The following LINGO2 variants were observed in gnomAD, a reference collection of about 807,000 sequenced individuals.
LINGO2 encodes leucine-rich repeat and immunoglobulin-like domain-containing nogo receptor-interacting protein 2.
Under a neutral mutation model 30.6 loss-of-function variants are expected in LINGO2, and 14 were observed. The ratio of observed to expected loss-of-function variants is 0.46; its 90% CI spans 0.30 to 0.72. The LOEUF is 0.72. Ranked by LOEUF, LINGO2 falls within the 30% of genes least tolerant of loss-of-function variation. The pLI is 0.07. For missense variants in LINGO2, 729 were observed against 751.7 expected (o/e 0.97, Z 0.35); for synonymous variants, 317 against 288.5 (o/e 1.10, Z -1.00).
the LINGO2 span, among the ~76,000 whole-genome samples, chr9:29,168,556 A>C: frequency 1.3e-5 from 2 of 152,306 alleles, no homozygotes; most frequent in African/African-American, 4.8e-5. Flanking sequence ...TTCACTGATA[A>C]AGGAGAGAGC....
At chr9:28,639,314 G>A (rs1827450902) in intron 1 of LINGO2, among the ~76,000 whole-genome samples, 1 of 152,172 alleles carries the variant, frequency 6.6e-6, no homozygotes, top group African/African-American at 2.4e-5. Flanking sequence ...GGGGTGGAGA[G>A]TTCTGTAGAT....
chr9:28,192,175 C>T (rs908102668), intron 4 of LINGO2, among the ~76,000 whole-genome samples: 4 of 152,022 alleles, frequency 2.6e-5, no homozygotes, highest in Admixed American at 6.6e-5. Flanking sequence ...CCTAAGATAC[C>T]TGCATCATCT....
intron 4 of LINGO2, among the ~76,000 whole-genome samples, chr9:28,013,296 C>T (rs1247554589): frequency 6.6e-6 from 1 of 152,070 alleles, no homozygotes; most frequent in Non-Finnish European, 1.5e-5. Context: ...CCTTTTCCTC[C>T]TGCTCCAAGC....
chr9:28,889,195 T>C, the LINGO2 span, among the ~76,000 whole-genome samples: 6 of 152,282 alleles, frequency 3.9e-5, no homozygotes, highest in African/African-American at 1.2e-4. Flanking sequence ...GATAGAGTGA[T>C]AAATAATTTC....
At chr9:28,900,569 C>CT in the LINGO2 span, among the ~76,000 whole-genome samples, 1 of 152,172 alleles carries the variant, frequency 6.6e-6, no homozygotes, top group African/African-American at 2.4e-5. Flanking sequence ...GCCCACTCAC[C>CT]TATTGACCTT....
At chr9:28,225,891 A>C (rs563221418) in intron 4 of LINGO2, among the ~76,000 whole-genome samples, 8 of 152,260 alleles carry the variant, frequency 5.3e-5, no homozygotes, top group Admixed American at 3.9e-4. Context: ...GGCCATTTTG[A>C]ATTTCAAAAT....
chr9:27,968,496 T>C (rs12001697), intron 5 of LINGO2, among the ~76,000 whole-genome samples: 6,922 of 152,110 alleles, frequency 0.046, 506 homozygotes, highest in African/African-American at 0.16. Flanking sequence ...AATACCTTCA[T>C]GCATAAAGCA....
At chr9:28,361,652 A>C (rs1049886235) in intron 3 of LINGO2, among the ~76,000 whole-genome samples, 3 of 142,490 alleles carry the variant, frequency 2.1e-5, no homozygotes, top group East Asian at 2.0e-4. Context: ...ATTTTTGAAC[A>C]AAAAAAAAAG....
chr9:29,042,669 T>A, the LINGO2 span, among the ~76,000 whole-genome samples: 5 of 151,944 alleles, frequency 3.3e-5, no homozygotes, highest in Admixed American at 2.6e-4. Flanking sequence ...ATTGCATATA[T>A]TTATGATGTA....
intron 1 of LINGO2, among the ~76,000 whole-genome samples, chr9:28,618,967 T>G (rs1004122138): frequency 6.6e-6 from 1 of 152,174 alleles, no homozygotes; most frequent in African/African-American, 2.4e-5. Flanking sequence ...ATAAGTTGAG[T>G]GTTTAGCACA....
chr9:28,902,105 T>C, the LINGO2 span, among the ~76,000 whole-genome samples: 266 of 152,244 alleles, frequency 1.7e-3, 1 homozygote, highest in Middle Eastern at 0.01. Flanking sequence ...GACCTAACTA[T>C]ATGCTGCTTA....
intron 1 of LINGO2, among the ~76,000 whole-genome samples, chr9:28,636,773 C>T (rs988418089): frequency 7.9e-5 from 12 of 152,018 alleles, no homozygotes; most frequent in Admixed American, 7.9e-4. Flanking sequence ...CTGTAGGTTG[C>T]CTGTTCACTC....
At chr9:29,010,442 G>A in the LINGO2 span, among the ~76,000 whole-genome samples, 1 of 152,150 alleles carries the variant, frequency 6.6e-6, no homozygotes, top group Non-Finnish European at 1.5e-5. Flanking sequence ...ATTAGCAAAG[G>A]ATGATAAGAA....
At chr9:28,316,473 G>A (rs577639896) in intron 3 of LINGO2, among the ~76,000 whole-genome samples, 14 of 152,204 alleles carry the variant, frequency 9.2e-5, no homozygotes, top group African/African-American at 3.1e-4. Context: ...GCAGGAAGTA[G>A]GGAATAGAGG....
At chr9:28,100,725 GCTTCCCATCCTCCA>G (rs150988274) in intron 4 of LINGO2, among the ~76,000 whole-genome samples, 102 of 152,208 alleles carry the variant, frequency 6.7e-4, no homozygotes, top group African/African-American at 2.3e-3. Flanking sequence ...AGGGATTATT[GCTTCCCATCCTCCA>G]CTTTGAATTG....
intron 3 of LINGO2, among the ~76,000 whole-genome samples, chr9:28,305,464 T>C (rs193301712): frequency 6.6e-6 from 1 of 151,490 alleles, no homozygotes; most frequent in South Asian, 2.1e-4. Context: ...TAAAAATCTA[T>C]TGGAATCTAC....
intron 2 of LINGO2, among the ~76,000 whole-genome samples, chr9:28,459,817 T>C (rs1587703961): frequency 6.6e-6 from 1 of 152,276 alleles, no homozygotes; most frequent in East Asian, 1.9e-4. Context: ...TTGTATGTGC[T>C]TTGAAATTTA....
chr9:28,570,671 G>A (rs894812043), intron 1 of LINGO2, among the ~76,000 whole-genome samples: 4 of 151,172 alleles, frequency 2.6e-5, no homozygotes, highest in African/African-American at 9.7e-5. Context: ...TTTGTTGTGG[G>A]AATTCTCTGC....
At chr9:29,043,125 CA>C in the LINGO2 span, among the ~76,000 whole-genome samples, 2 of 151,920 alleles carry the variant, frequency 1.3e-5, no homozygotes, top group African/African-American at 4.8e-5. Flanking sequence ...GTAGACTGAA[CA>C]GAGACAGTAT....
Sources: allele counts gnomAD v4.1 joint callset (sites outside exome capture counted in the v4.1 genomes callset), GRCh38; gene constraint gnomAD v4.1.1; transcripts MANE v1.5; gene names NCBI Gene and HGNC (gene_info 2026-07-23, HGNC 2026-07-21).